The following TSPAN7 variants were observed in gnomAD, a reference collection of about 807,000 sequenced individuals.
The protein encoded by TSPAN7 is tetraspanin 7, also known as tetraspanin-7.
Under a neutral mutation model 17.6 loss-of-function variants are expected in TSPAN7, and 1 was observed. The observed-to-expected ratio is 0.06, with a 90% CI of 0.02 to 0.27. The LOEUF (loss-of-function observed/expected upper bound fraction) is 0.27, where lower values mean the gene tolerates loss of function less well. TSPAN7 is among the 10% of genes least tolerant of loss of function. The pLI is 1.00. For missense variants in TSPAN7, 112 were observed against 201.7 expected, an observed-to-expected ratio of 0.56 and a Z score of 2.69; for synonymous variants, 78 against 79.0, an observed-to-expected ratio of 0.99 and a Z score of 0.07.
intron 1 of TSPAN7, among the ~76,000 whole-genome samples, chrX:38,660,178 A>C (rs2069735898): frequency 9.0e-6 from 1 of 111,276 alleles, no homozygotes; most frequent in African/African-American, 3.3e-5. Flanking sequence ...TCTGCCACTC[A>C]TCTGGAATGG....
rs781354761 is a variant in TSPAN7, at chrX:38,623,947, A to G, written c.82-42174A>G. The stretch of plus-strand genomic sequence containing the variant: ...TGGTAGAGTCACAAGGAGGAGAAAT[A>G]AGTGTATCTCAGTGTTAGAACTGAA... On this transcript the variant is annotated intron_variant, in intron 1 of 7. Coordinates refer to ENST00000378482, the MANE Select transcript of TSPAN7 (RefSeq NM_004615.4). Among the ~76,000 whole-genome samples the G allele has an allele frequency of 3.7e-5, 3 of 81,865 alleles. No homozygotes were observed. The Admixed American group carries it at 5.0e-4, about 14-fold the overall frequency. 71.1% of individuals were successfully genotyped at this position (81,865 alleles called of 115,157 possible). A position where few individuals can be genotyped will look rare whatever the true frequency, so the allele number is the denominator to read the frequency against.
At chrX:38,582,771 A>G (rs1418860263) in intron 1 of TSPAN7, among the ~76,000 whole-genome samples, 5 of 112,456 alleles carry the variant, frequency 4.4e-5, no homozygotes, top group African/African-American at 1.3e-4. Context: ...CAGCAATTAA[A>G]GAATGGAGTT....
chrX:38,685,090 G>A (rs1410477177), intron 6 of TSPAN7, among the ~76,000 whole-genome samples: 1 of 111,499 alleles, frequency 9.0e-6, no homozygotes, highest in Admixed American at 9.5e-5. Context: ...TGCTGCTAAG[G>A]TGATTCATTA....
chrX:38,581,576 G>A (rs1308988862), intron 1 of TSPAN7, among the ~76,000 whole-genome samples: 1 of 111,801 alleles, frequency 8.9e-6, no homozygotes, highest in African/African-American at 3.3e-5. Context: ...TTCAAGATTT[G>A]GGTGGGGACA....
intron 1 of TSPAN7, chrX:38,656,156 G>C (rs774479217): frequency 9.5e-5 from 23 of 242,950 alleles, no homozygotes; most frequent in Middle Eastern, 7.6e-4. Flanking sequence ...GGAAAATCAG[G>C]TACGAGGTAT....
In TSPAN7 at chrX:38,619,285, G is replaced by A. The variant is rs192063534; in HGVS notation, c.82-46836G>A. On this transcript the variant is annotated intron_variant, in intron 1 of 7. Transcript: ENST00000378482. ...GCCCTACTGTGGAATTTGGGATGCT[G>A]CCCTTGTTGCATTCGCTCTGCTTTG... is the stretch of plus-strand genomic sequence containing the variant. Among the ~76,000 whole-genome samples, 4 of 111,043 alleles carry A rather than the reference G, an allele frequency of 3.6e-5. No individual in the cohort carries two copies. In the East Asian group the frequency reaches 1.1e-3, roughly 32 times the overall value.
At chrX:38,685,123 TG>T (rs1237008611) in intron 6 of TSPAN7, among the ~76,000 whole-genome samples, 2 of 111,480 alleles carry the variant, frequency 1.8e-5, no homozygotes, top group Non-Finnish European at 3.8e-5. Context: ...TCTTTTCTTT[TG>T]GGGGGCCCTT....
intron 1 of TSPAN7, among the ~76,000 whole-genome samples, chrX:38,606,063 G>A (rs1200220173): frequency 2.8e-5 from 3 of 109,032 alleles, no homozygotes; most frequent in East Asian, 5.8e-4. Context: ...TGACAAAAGG[G>A]ATCTAATTAA....
At chrX:38,672,224 A>G (rs145302487) in intron 3 of TSPAN7, among the ~76,000 whole-genome samples, 2,645 of 111,356 alleles carry the variant, frequency 0.024, 40 homozygotes, top group Middle Eastern at 0.042. Flanking sequence ...GTTAAAAAGA[A>G]AAAGAAAAAA....
rs180732601 is a variant in TSPAN7, at chrX:38,625,299, C to T, written c.82-40822C>T. Among the ~76,000 whole-genome samples, 7 of 111,423 alleles carry T rather than the reference C, an allele frequency of 6.3e-5. No individual in the cohort carries two copies. The East Asian group carries it at 2.0e-3, about 31-fold the overall frequency. ...AATTTAAAACCCCTTTTCTTAACTA[C>T]TGAGGCAAAGTCTAGTAGGATTCAC... is the stretch of plus-strand genomic sequence containing the variant. On this transcript the variant is annotated intron_variant, in intron 1 of 7. Transcript: ENST00000378482.
intron 1 of TSPAN7, among the ~76,000 whole-genome samples, chrX:38,599,591 C>G (rs896041202): frequency 9.0e-6 from 1 of 111,225 alleles, no homozygotes; most frequent in Admixed American, 9.6e-5. Flanking sequence ...AAATAGCCAG[C>G]CTTTTTTGAG....
intron 1 of TSPAN7, among the ~76,000 whole-genome samples, chrX:38,610,519 A>G (rs1006830713): frequency 1.8e-5 from 2 of 111,605 alleles, no homozygotes; most frequent in African/African-American, 6.5e-5. Flanking sequence ...GGAGCTTTCC[A>G]AACTCAACCC....
chrX:38,567,128 A>G (rs2069147605), intron 1 of TSPAN7, among the ~76,000 whole-genome samples: 1 of 111,214 alleles, frequency 9.0e-6, no homozygotes, highest in Non-Finnish European at 1.9e-5. Context: ...GGTACTTGGG[A>G]TATAAATAGA....
chrX:38,621,047 CTG>C (rs1314628285), intron 1 of TSPAN7, among the ~76,000 whole-genome samples: 2 of 112,152 alleles, frequency 1.8e-5, no homozygotes, highest in African/African-American at 6.5e-5. Context: ...GTGTTAGACT[CTG>C]TAGCTATTAA....
At chrX:38,590,110 T>A (rs7890516) in intron 1 of TSPAN7, among the ~76,000 whole-genome samples, 7,064 of 111,659 alleles carry the variant, frequency 0.063, 496 homozygotes, top group African/African-American at 0.21. Flanking sequence ...TTGCTAAAAA[T>A]TTTTTTTGTG....
intron 1 of TSPAN7, among the ~76,000 whole-genome samples, chrX:38,567,944 G>A (rs1156343072): frequency 3.6e-5 from 4 of 111,793 alleles, no homozygotes; most frequent in African/African-American, 1.3e-4. Flanking sequence ...GAGCCATGTA[G>A]TGTGTATATT....
chrX:38,579,033 G>A (rs2069212419), intron 1 of TSPAN7, among the ~76,000 whole-genome samples: 1 of 111,280 alleles, frequency 9.0e-6, no homozygotes, highest in Admixed American at 9.5e-5. Context: ...GCTGTGGTTG[G>A]GTGATAAGAC....
In TSPAN7 at chrX:38,659,001, TACACACAC is replaced by T. The variant is rs71903430; in HGVS notation, c.82-7089_82-7082del. ...GCCATATAACATGTATTATCTTCCA[TACACACAC>T]ACACACACACACACACACACACACA... On this transcript the variant is annotated intron_variant, in intron 1 of 7. Transcript: ENST00000378482. Among the ~76,000 whole-genome samples the T allele has an allele frequency of 3.7e-3, 352 of 96,161 alleles. 1 individual carries two copies. The highest frequency in any genetic ancestry group is 6.9e-3 in the African/African-American group (176 of 25,494). 83.5% of individuals were successfully genotyped at this position (96,161 alleles called of 115,157 possible).
chrX:38,660,903 A>G (rs2069740200), intron 1 of TSPAN7, among the ~76,000 whole-genome samples: 1 of 112,121 alleles, frequency 8.9e-6, no homozygotes, highest in Non-Finnish European at 1.9e-5. Context: ...ATATATTCAC[A>G]TAGAAGGTGG....
Sources: allele counts gnomAD v4.1 joint callset (sites outside exome capture counted in the v4.1 genomes callset), GRCh38; gene constraint gnomAD v4.1.1; transcripts MANE v1.5; gene names NCBI Gene and HGNC (gene_info 2026-07-23, HGNC 2026-07-21).